TMPRSS15: variants seen among roughly 807,000 people sequenced by gnomAD.
The protein encoded by TMPRSS15 is enteropeptidase.
TMPRSS15 carries 128 observed loss-of-function variants against 125.3 expected under a neutral mutation model. The ratio of observed to expected loss-of-function variants is 1.02; its 90% CI spans 0.89 to 1.18. TMPRSS15 has a LOEUF of 1.18. TMPRSS15 is among the 50% of genes most tolerant of loss of function. The pLI is 0.00. For missense variants in TMPRSS15, 1,283 were observed against 1,212.7 expected (o/e 1.06, Z -0.86); for synonymous variants, 446 against 423.2 (o/e 1.05, Z -0.66).
intron 1 of TMPRSS15, among the ~76,000 whole-genome samples, chr21:18,448,348 G>A (rs920383836): frequency 1.3e-5 from 2 of 152,122 alleles, no homozygotes; most frequent in Non-Finnish European, 2.9e-5. Context: ...ACTCTGGAGT[G>A]AGATTTCTTT....
rs150563914 is a variant in TMPRSS15, at chr21:18,482,749, C to T, written c.10+3050G>A. On this transcript the variant is annotated intron_variant, in intron 1 of 7. Coordinates refer to the TMPRSS15 transcript ENST00000422787. ...ATGAAGCTTATTTAAATTGTCTGTG[C>T]CTTGGTGTGCTTTTTTCCTTATATT... Among the ~76,000 whole-genome samples, 620 of 151,446 alleles carry T rather than the reference C, an allele frequency of 4.1e-3. 3 individuals are homozygous for T. Among genetic ancestry groups the T allele is most frequent in the African/African-American group, 0.014 (573 of 41,406 alleles).
chr21:18,440,518 A>G (rs2076239145), intron 1 of TMPRSS15, among the ~76,000 whole-genome samples: 2 of 152,070 alleles, frequency 1.3e-5, no homozygotes. Context: ...ATCGATGTGT[A>G]TCAGAATCTT....
intron 3 of TMPRSS15, among the ~76,000 whole-genome samples, chr21:18,396,907 G>C (rs2076046815): frequency 6.6e-6 from 1 of 151,116 alleles, no homozygotes; most frequent in East Asian, 1.9e-4. Context: ...TTTCCTTTTT[G>C]CCAGCTTGTC....
intron 7 of TMPRSS15, among the ~76,000 whole-genome samples, chr21:18,360,094 C>T (rs2075666074): frequency 6.6e-6 from 1 of 152,062 alleles, no homozygotes; most frequent in South Asian, 2.1e-4. Flanking sequence ...ATGACAACTT[C>T]CCATTGCTTA....
intron 1 of TMPRSS15, among the ~76,000 whole-genome samples, chr21:18,476,895 TTCTCTC>T (rs74681988): frequency 6.7e-6 from 1 of 149,962 alleles, no homozygotes; most frequent in Non-Finnish European, 1.5e-5. Context: ...ACTTCTGCAA[TTCTCTC>T]TCTCTTTTTT....
intron 3 of TMPRSS15, among the ~76,000 whole-genome samples, chr21:18,384,734 A>C (rs1322141494): frequency 1.3e-5 from 2 of 152,146 alleles, no homozygotes; most frequent in African/African-American, 4.8e-5. Context: ...CTTAAGACAC[A>C]GACTAGGGCA....
intron 1 of TMPRSS15, among the ~76,000 whole-genome samples, chr21:18,478,273 G>A (rs74846980): frequency 0.013 from 1,924 of 151,824 alleles, 27 homozygotes; most frequent in African/African-American, 0.034. Context: ...CATCTACACC[G>A]TCCCTACCCA....
chr21:18,282,097 C>CAAAAAA (rs954911028), intron 21 of TMPRSS15, among the ~76,000 whole-genome samples: 15 of 24,950 alleles, frequency 6.0e-4, no homozygotes, highest in Non-Finnish European at 8.0e-4. Flanking sequence ...GACTCCGCCT[C>CAAAAAA]AAAAAAAAAA....
intron 1 of TMPRSS15, among the ~76,000 whole-genome samples, chr21:18,427,640 A>G (rs539951655): frequency 6.6e-6 from 1 of 152,274 alleles, no homozygotes; most frequent in South Asian, 2.1e-4. Context: ...AACATGACTG[A>G]GCATTTATAT....
At chr21:18,365,042 A>C in intron 7 of TMPRSS15, 98 bp downstream of exon 7, 1 of 1,023,572 alleles carries the variant, frequency 9.8e-7, no homozygotes, top group East Asian at 2.4e-5. Context: ...TAGTTAATGA[A>C]AACAATGATT....
At chr21:18,407,659 C>T (rs1245298597), upstream of TMPRSS15, among the ~76,000 whole-genome samples, 1 of 151,988 alleles carries the variant, frequency 6.6e-6, no homozygotes, top group African/African-American at 2.4e-5. Context: ...TGAGGTCTCA[C>T]TTCGTTGTCC....
chr21:18,271,812 A>G (rs1286258444), intron 24 of TMPRSS15, among the ~76,000 whole-genome samples: 1 of 151,620 alleles, frequency 6.6e-6, no homozygotes, highest in Non-Finnish European at 1.5e-5. Flanking sequence ...CCCACTCATG[A>G]GTGAGAACAT....
chr21:18,452,097 C>T (rs1257760266), intron 1 of TMPRSS15, among the ~76,000 whole-genome samples: 2 of 152,070 alleles, frequency 1.3e-5, no homozygotes, highest in Non-Finnish European at 2.9e-5. Flanking sequence ...CTACTTTCCA[C>T]ATTGTGTTCT....
intron 22 of TMPRSS15, among the ~76,000 whole-genome samples, chr21:18,279,306 T>C (rs559635923): frequency 0.016 from 2,177 of 140,158 alleles, 26 homozygotes; most frequent in South Asian, 0.028. Flanking sequence ...AGTCTCCTCG[T>C]TACTCTTTTT....
At chr21:18,310,933 CT>C (rs71329779) in intron 18 of TMPRSS15, among the ~76,000 whole-genome samples, 6,226 of 136,500 alleles carry the variant, frequency 0.046, 193 homozygotes, top group African/African-American at 0.072. Flanking sequence ...CCCACTGATT[CT>C]TTTTTTTTTT....
At chr21:18,406,318 C>T (rs116854476), upstream of TMPRSS15, among the ~76,000 whole-genome samples, 1 of 152,222 alleles carries the variant, frequency 6.6e-6, no homozygotes, top group East Asian at 1.9e-4. Flanking sequence ...GCTTCTGGGA[C>T]GTCAAGTCTG....
intron 18 of TMPRSS15, among the ~76,000 whole-genome samples, chr21:18,298,646 TTTTA>T (rs541483512): frequency 6.6e-6 from 1 of 152,246 alleles, no homozygotes; most frequent in African/African-American, 2.4e-5. Flanking sequence ...GTTTCTTGCC[TTTTA>T]TTTCAGATTT....
At chr21:18,452,427 G>A (rs1167085234) in intron 1 of TMPRSS15, among the ~76,000 whole-genome samples, 2 of 152,168 alleles carry the variant, frequency 1.3e-5, no homozygotes, top group Non-Finnish European at 2.9e-5. Flanking sequence ...ACTTTGGGAG[G>A]CCGAGGTGGG....
intron 1 of TMPRSS15, among the ~76,000 whole-genome samples, chr21:18,452,161 C>A (rs2824839): frequency 0.46 from 69,278 of 151,722 alleles, 16,804 homozygotes; most frequent in East Asian, 0.91. Context: ...ATGGCACCTG[C>A]GAGTACATAG....
Sources: gnomAD v4.1 joint callset for allele counts (sites outside exome capture counted in the v4.1 genomes callset) on GRCh38, gnomAD v4.1.1 for gene constraint, MANE v1.5 for transcripts, NCBI Gene and HGNC (gene_info 2026-07-23, HGNC 2026-07-21) for gene names.